The following RSRP1 variants were observed in gnomAD, a reference collection of about 807,000 sequenced individuals.
RSRP1 encodes the protein arginine and serine rich protein 1.
A neutral mutation model predicts 33.0 loss-of-function variants in RSRP1; 37 were observed. That is an observed-to-expected ratio of 1.12 (90% CI 0.86 to 1.48). The LOEUF (loss-of-function observed/expected upper bound fraction) is 1.48, where lower values mean the gene tolerates loss of function less well. Ranked by LOEUF, RSRP1 falls within the 40% of genes most tolerant of loss-of-function variation. The pLI, the probability that RSRP1 is intolerant of heterozygous loss-of-function variation, is 0.00. For synonymous variants in RSRP1, 167 were observed against 158.7 expected (o/e 1.05, Z -0.40); for missense variants, 402 against 385.3 (o/e 1.04, Z -0.36).
intron 1 of RSRP1, among the ~76,000 whole-genome samples, chr1:25,286,896 C>T (rs1642066110): frequency 7.4e-6 from 1 of 134,310 alleles, no homozygotes; most frequent in South Asian, 2.2e-4. Flanking sequence ...AGTCCGAGAC[C>T]AACCTGAGCA....
At chr1:25,310,257 G>C (rs1325238520) in intron 1 of RSRP1, among the ~76,000 whole-genome samples, 7 of 133,244 alleles carry the variant, frequency 5.3e-5, no homozygotes, top group African/African-American at 1.8e-4. Flanking sequence ...ATGGTTTTTG[G>C]AGGAAGGGCC....
chr1:25,257,004 C>A lies in RSRP1; in HGVS notation c.-66-9975G>T, dbSNP rs184677237. On this transcript the variant is annotated intron_variant, in intron 1 of 1. Transcript: ENST00000561867. Reference sequence around the variant, plus strand: ...GGCATATTATGCTTTGTAACACCTGCAACTTCACTGGGAGCCAAAGCCACA... The same window carrying A: ...GGCATATTATGCTTTGTAACACCTGAAACTTCACTGGGAGCCAAAGCCACA... Among the ~76,000 whole-genome samples, 300 of 152,320 alleles carry A rather than the reference C, an allele frequency of 2.0e-3. 1 individual carries two copies. The highest frequency in any genetic ancestry group is 6.5e-3 in the African/African-American group (271 of 41,568).
In RSRP1 at chr1:25,329,830, T is replaced by C. The variant is rs1387448128; in HGVS notation, c.-67+8148A>G. 2 of 129,404 alleles carry C rather than the reference T, an allele frequency of 1.5e-5. 1 individual carries two copies. 8.0% of individuals were successfully genotyped at this position (129,404 alleles called of 1,614,324 possible). A position where few individuals can be genotyped will look rare whatever the true frequency, so the allele number is the denominator to read the frequency against. ...TACCACACCCAGCTAATTTTTGCAT[T>C]TTTACTTGACAGGGTTTCACCATGT... On this transcript the variant is annotated intron_variant, in intron 1 of 1. Coordinates refer to the RSRP1 transcript ENST00000561867.
intron 1 of RSRP1, among the ~76,000 whole-genome samples, chr1:25,263,257 G>A (rs1450792463): frequency 6.6e-6 from 1 of 152,022 alleles, no homozygotes; most frequent in East Asian, 1.9e-4. Context: ...AGGTGGCCTG[G>A]CCAGGAGCTA....
chr1:25,251,311 T>C (rs1014736833), upstream of RSRP1, among the ~76,000 whole-genome samples: 3 of 152,348 alleles, frequency 2.0e-5, no homozygotes, highest in African/African-American at 7.2e-5. Flanking sequence ...ACTAACATTA[T>C]GGTTATTTAT....
intron 1 of RSRP1, among the ~76,000 whole-genome samples, chr1:25,275,511 T>G (rs76975495): frequency 0.015 from 1,993 of 131,558 alleles, 286 homozygotes; most frequent in African/African-American, 0.049. Flanking sequence ...TAGTGTAGTA[T>G]TGACCTGAGG....
At chr1:25,296,348 G>A (rs1642959670) in intron 1 of RSRP1, among the ~76,000 whole-genome samples, 1 of 124,592 alleles carries the variant, frequency 8.0e-6, no homozygotes, top group Admixed American at 7.8e-5. Flanking sequence ...CTGGATTCAA[G>A]CAATTCTTGT....
rs558354651 is a variant in RSRP1 at position 25,280,965 on chromosome 1, C to T, written c.-66-33936G>A. Among the ~76,000 whole-genome samples, 8 of 131,512 alleles carry T rather than the reference C, an allele frequency of 6.1e-5. 1 individual carries two copies. Among genetic ancestry groups the T allele is most frequent in the Admixed American group, 2.2e-4 (3 of 13,558 alleles). The allele number at this position is 131,512 out of a possible 152,430, so 86.3% of individuals were successfully genotyped here. On this transcript the variant is annotated intron_variant, in intron 1 of 1. Transcript: ENST00000561867. ...GGCCCCAACTCTGCCCTTATCCAGG[C>T]AACTCTCCTCTCCCCATCTTCCACT...
rs1159168198 is a variant in RSRP1 at position 25,308,411 on chromosome 1, A to T, written c.-67+29567T>A. 1.6e-5 allele frequency among the ~76,000 whole-genome samples: 2 copies of T among 124,112 alleles called. 1 individual carries two copies. Among genetic ancestry groups the T allele is most frequent in the Non-Finnish European group, 3.8e-5 (2 of 53,020 alleles). The allele number at this position is 124,112 out of a possible 152,430, so 81.4% of individuals were successfully genotyped here. A position where few individuals can be genotyped will look rare whatever the true frequency, so the allele number is the denominator to read the frequency against. ...ATCAGTCCATGTTTGAACAAGCCCC[A>T]CAAGTGTTCTCTTGCAAGCTCAAGT... On this transcript the variant is annotated intron_variant, in intron 1 of 1. Transcript: ENST00000561867.
At chr1:25,291,928 A>AGCAAG (rs1265178012) in intron 1 of RSRP1, among the ~76,000 whole-genome samples, 1 of 132,664 alleles carries the variant, frequency 7.5e-6, no homozygotes, top group African/African-American at 2.6e-5. Flanking sequence ...AAGATCACAT[A>AGCAAG]GCAAGATAGT....
At chr1:25,317,827 A>C (rs1644489138) in intron 1 of RSRP1, among the ~76,000 whole-genome samples, 1 of 87,000 alleles carries the variant, frequency 1.1e-5, no homozygotes, top group Non-Finnish European at 2.8e-5. Flanking sequence ...TAAGGAGACC[A>C]GTGTGGTTGG....
chr1:25,297,877 G>A (rs614983), intron 1 of RSRP1, among the ~76,000 whole-genome samples: 5 of 131,412 alleles, frequency 3.8e-5, no homozygotes, highest in Non-Finnish European at 5.4e-5. Context: ...AAGGGCAGGA[G>A]GTGCTGCCAG....
At chr1:25,247,646 G>A (rs563032542), upstream of RSRP1, 1 of 152,426 alleles carries the variant, frequency 6.6e-6, no homozygotes, top group Non-Finnish European at 1.5e-5. Context: ...CCAGGGGGAG[G>A]TGTTTGATAC....
In RSRP1 at chr1:25,303,284, T is replaced by C. The variant is rs1643532328; in HGVS notation, c.-67+34694A>G. On this transcript the variant is annotated intron_variant, in intron 1 of 1. Coordinates refer to the RSRP1 transcript ENST00000561867. ...TTGCAGCAAGATGGTGTTCTCTCTCTACCTTGCTTCCTTTACCCACACGCT... is the reference window on the plus strand; with the variant it reads ...TTGCAGCAAGATGGTGTTCTCTCTCCACCTTGCTTCCTTTACCCACACGCT... 3 of 1,269,314 alleles carry C rather than the reference T, an allele frequency of 2.4e-6. 1 individual carries two copies. The African/African-American group carries it at 4.4e-5, about 18-fold the overall frequency. The allele number at this position is 1,269,314 out of a possible 1,614,324, so 78.6% of individuals were successfully genotyped here.
intron 1 of RSRP1, among the ~76,000 whole-genome samples, chr1:25,254,327 T>C (rs1571533051): frequency 6.6e-6 from 1 of 152,208 alleles, no homozygotes; most frequent in Admixed American, 6.5e-5. Flanking sequence ...ACACATCTGT[T>C]CCCTGCCATG....
intron 1 of RSRP1, among the ~76,000 whole-genome samples, chr1:25,256,274 C>T (rs560108797): frequency 5.1e-4 from 78 of 152,066 alleles, no homozygotes; most frequent in Non-Finnish European, 1.1e-3. Flanking sequence ...CCCGCCTCAG[C>T]CTACTGAGTA....
chr1:25,247,282 G>A (rs1352962510), intron 1 of RSRP1, 27 bp downstream of exon 1: 2 of 324,958 alleles, frequency 6.2e-6, no homozygotes, highest in Non-Finnish European at 1.1e-5. Flanking sequence ...CGGTGGTCCT[G>A]AGAGACCCCG....
intron 1 of RSRP1, among the ~76,000 whole-genome samples, chr1:25,265,291 G>T (rs1181899536): frequency 8.0e-5 from 1 of 12,492 alleles, no homozygotes; most frequent in Non-Finnish European, 1.8e-4. Context: ...CTTCTCTGTG[G>T]CTGCTGTGTG....
intron 1 of RSRP1, among the ~76,000 whole-genome samples, chr1:25,320,930 G>A (rs1644663399): frequency 7.6e-6 from 1 of 131,744 alleles, no homozygotes; most frequent in African/African-American, 2.6e-5. Flanking sequence ...TGTGGTCCCA[G>A]CTACTTGGGA....
Sources: gnomAD v4.1 joint callset for allele counts (sites outside exome capture counted in the v4.1 genomes callset) on GRCh38, gnomAD v4.1.1 for gene constraint, MANE v1.5 for transcripts, NCBI Gene and HGNC (gene_info 2026-07-23, HGNC 2026-07-21) for gene names.